Variants in MLF1 observed in about 807,000 individuals in gnomAD.
The protein encoded by MLF1 is myelodysplasia-myeloid leukemia factor 1.
In MLF1, 37 loss-of-function variants were observed where a neutral mutation model predicts 38.3. The ratio of observed to expected loss-of-function variants is 0.96; its 90% CI spans 0.74 to 1.27. The LOEUF (loss-of-function observed/expected upper bound fraction) is 1.27, where lower values mean the gene tolerates loss of function less well. Ranked by LOEUF, MLF1 falls within the 50% of genes most tolerant of loss-of-function variation. The pLI is 0.00. For synonymous variants in MLF1, 95 were observed against 106.5 expected, an observed-to-expected ratio of 0.89 and a Z score of 0.66; for missense variants, 331 against 349.2, an observed-to-expected ratio of 0.95 and a Z score of 0.42.
intron 3 of MLF1, among the ~76,000 whole-genome samples, chr3:158,593,758 AG>A (rs1302148310): frequency 6.6e-6 from 1 of 152,080 alleles, no homozygotes; most frequent in Non-Finnish European, 1.5e-5. Flanking sequence ...ACTTTCCAAA[AG>A]GTTTTTTAAA....
chr3:158,600,852 T>G (rs1719643464), intron 6 of MLF1, among the ~76,000 whole-genome samples: 1 of 151,872 alleles, frequency 6.6e-6, no homozygotes, highest in African/African-American at 2.4e-5. Flanking sequence ...GTAAATCTTT[T>G]CTTTTTCTGG....
intron 5 of MLF1, among the ~76,000 whole-genome samples, 155 bp from the exon 6 acceptor site, chr3:158,599,859 T>C (rs182335330): frequency 9.2e-5 from 14 of 152,268 alleles, no homozygotes; most frequent in Admixed American, 2.6e-4. Context: ...TATCAGAGAC[T>C]TATTACCACA....
At chr3:158,586,202 G>A (rs903371616) in intron 1 of MLF1, among the ~76,000 whole-genome samples, 13 of 150,790 alleles carry the variant, frequency 8.6e-5, no homozygotes, top group African/African-American at 3.2e-4. Context: ...GCAATTTGGT[G>A]GTTGTCGGGA....
At chr3:158,571,807 G>A (rs1380934142) in intron 1 of MLF1, among the ~76,000 whole-genome samples, 1 of 56,628 alleles carries the variant, frequency 1.8e-5, no homozygotes, top group African/African-American at 8.8e-5. Context: ...AGGGTTGAGG[G>A]TGTGAGGTGA....
intron 1 of MLF1, among the ~76,000 whole-genome samples, chr3:158,578,816 A>G (rs1715879163): frequency 6.6e-6 from 1 of 152,182 alleles, no homozygotes; most frequent in African/African-American, 2.4e-5. Flanking sequence ...AAATCTGAAA[A>G]GTATAGAAAG....
At chr3:158,587,631 GACTT>G (rs1333821783) in intron 1 of MLF1, among the ~76,000 whole-genome samples, 1 of 152,202 alleles carries the variant, frequency 6.6e-6, no homozygotes, top group African/African-American at 2.4e-5. Flanking sequence ...CATGGGCTGA[GACTT>G]ACTAATTTGT....
intron 3 of MLF1, among the ~76,000 whole-genome samples, chr3:158,595,298 A>T (rs1345042541): frequency 1.7e-4 from 26 of 152,144 alleles, no homozygotes; most frequent in Admixed American, 1.7e-3. Flanking sequence ...TTAAGGAAGA[A>T]AGAGGAGAAT....
intron 1 of MLF1, among the ~76,000 whole-genome samples, chr3:158,590,349 G>A (rs1054903218): frequency 2.0e-5 from 3 of 152,090 alleles, no homozygotes; most frequent in African/African-American, 7.2e-5. Flanking sequence ...AGAATGCAGT[G>A]CAACTGGAAC....
chr3:158,604,174 G>T (rs1720192585), intron 7 of MLF1, among the ~76,000 whole-genome samples: 1 of 152,126 alleles, frequency 6.6e-6, no homozygotes, highest in Admixed American at 6.5e-5. Flanking sequence ...CTATTGAATT[G>T]CTTGAAAACT....
At chr3:158,572,279 G>C (rs1714570509) in intron 1 of MLF1, among the ~76,000 whole-genome samples, 1 of 134,936 alleles carries the variant, frequency 7.4e-6, no homozygotes, top group African/African-American at 2.8e-5. Flanking sequence ...CGTGAGGTGG[G>C]GGGACGGTTT....
At chr3:158,605,068 A>G in intron 7 of MLF1, 29 bp from the exon 8 acceptor site, 5 of 1,484,880 alleles carry the variant, frequency 3.4e-6, no homozygotes, top group Non-Finnish European at 4.7e-6. Context: ...TTTTTAAATG[A>G]TATTAATATT....
intron 7 of MLF1, among the ~76,000 whole-genome samples, chr3:158,604,722 G>C (rs532018372): frequency 6.6e-6 from 1 of 152,096 alleles, no homozygotes; most frequent in Admixed American, 6.5e-5. Context: ...GCAGTGGCGC[G>C]ATCTCAACTC....
chr3:158,594,450 A>G (rs1008495925), intron 3 of MLF1, among the ~76,000 whole-genome samples: 1 of 140,884 alleles, frequency 7.1e-6, no homozygotes, highest in Non-Finnish European at 1.5e-5. Context: ...AGAAGAGGTA[A>G]CCAGAGACTT....
At position 158,602,497 on chromosome 3, in the gene MLF1, T is replaced by C. The variant is rs1028645900; in HGVS notation, c.614-310T>C. 3.9e-5 allele frequency among the ~76,000 whole-genome samples: 6 copies of C among 152,178 alleles called. 1 individual carries two copies. The highest frequency in any genetic ancestry group is 7.3e-5 in the Non-Finnish European group (5 of 68,032). On this transcript the variant is annotated intron_variant, in intron 6 of 7. Coordinates refer to ENST00000466246, the MANE Select transcript of MLF1 (RefSeq NM_001369783.1). The stretch of plus-strand genomic sequence containing the variant: ...CAGGAAGAGTATATTCACTGTGAGA[T>C]GACCCAGGAAGAAAAACTGTTAGTT...
At chr3:158,593,290 A>G in intron 2 of MLF1, 92 bp from the exon 3 acceptor site, 1 of 960,424 alleles carries the variant, frequency 1.0e-6, no homozygotes, top group South Asian at 1.8e-5. Context: ...GAAATGTAGC[A>G]ATTTGAAATT....
chr3:158,602,880 A>G lies in MLF1; in HGVS notation c.687A>G (p.Gly229=). ...LKYKPGRHNL[G]NTRMRSVGHE... is the part of the protein sequence containing the mutation. ...ACAAACCAGGACGACACAATCTAGGAAACACTAGAATGAGAAGTGTTGGCC... is the reference window on the plus strand; with the variant it reads ...ACAAACCAGGACGACACAATCTAGGGAACACTAGAATGAGAAGTGTTGGCC... The change falls in exon 7 of 8, where the codon GGA becomes GGG. Residue 229 remains glycine (G), a synonymous_variant. Coordinates refer to ENST00000466246, the MANE Select transcript of MLF1 (RefSeq NM_001369783.1). 1 of 1,613,634 alleles carries G rather than the reference A, an allele frequency of 6.2e-7. No homozygotes were observed. Among genetic ancestry groups the G allele is most frequent in the Non-Finnish European group, 8.5e-7 (1 of 1,179,656 alleles).
intron 1 of MLF1, among the ~76,000 whole-genome samples, chr3:158,590,576 A>G (rs1189784545): frequency 2.0e-5 from 3 of 152,360 alleles, no homozygotes; most frequent in Admixed American, 6.5e-5. Context: ...ATGAACTGAA[A>G]TAGAGAACAA....
chr3:158,575,093 T>C (rs1047505569), intron 1 of MLF1, among the ~76,000 whole-genome samples: 2 of 152,116 alleles, frequency 1.3e-5, no homozygotes, highest in African/African-American at 4.8e-5. Flanking sequence ...AGACTACAAA[T>C]AGTAAGCATA....
chr3:158,588,639 C>T (rs1717674103), intron 1 of MLF1, among the ~76,000 whole-genome samples: 1 of 150,758 alleles, frequency 6.6e-6, no homozygotes, highest in Non-Finnish European at 1.5e-5. Context: ...AAAAAAACTG[C>T]CCTCATTCTA....
Sources: allele counts gnomAD v4.1 joint callset (sites outside exome capture counted in the v4.1 genomes callset), GRCh38; gene constraint gnomAD v4.1.1; transcripts MANE v1.5; gene names NCBI Gene and HGNC (gene_info 2026-07-23, HGNC 2026-07-21).